The following LRRC63 variants were observed in gnomAD, a reference collection of about 807,000 sequenced individuals.
LRRC63 encodes leucine rich repeat containing 63, also known as leucine-rich repeat-containing protein 63.
In LRRC63, 40 loss-of-function variants were observed where a neutral mutation model predicts 49.5. The observed-to-expected ratio is 0.81, with a 90% CI of 0.63 to 1.05. LRRC63 has a LOEUF of 1.05. Ranked by LOEUF, LRRC63 falls within the 50% of genes least tolerant of loss-of-function variation. The probability of loss-of-function intolerance (pLI) is 0.00; values close to 1 mark genes in which losing one functional copy is unlikely to be tolerated. For synonymous variants in LRRC63, 191 were observed against 221.1 expected, an observed-to-expected ratio of 0.86 and a Z score of 1.21; for missense variants, 636 against 663.1, an observed-to-expected ratio of 0.96 and a Z score of 0.45.
intron 8 of LRRC63, among the ~76,000 whole-genome samples, chr13:46,263,676 C>A (rs1311219307): frequency 6.6e-6 from 1 of 152,200 alleles, no homozygotes; most frequent in Non-Finnish European, 1.5e-5. Flanking sequence ...TTCCCCTTAT[C>A]CAACTCTAGG....
chr13:46,249,506 C>CAT (rs1292798530), intron 6 of LRRC63, among the ~76,000 whole-genome samples: 1 of 151,486 alleles, frequency 6.6e-6, no homozygotes, highest in Non-Finnish European at 1.5e-5. Context: ...AACTGTATAC[C>CAT]AATCAATTAA....
At chr13:46,213,222 C>T (rs1442190390) in intron 2 of LRRC63, 103 bp downstream of exon 2, 1 of 687,146 alleles carries the variant, frequency 1.5e-6, no homozygotes, top group Non-Finnish European at 2.3e-6. Context: ...TCACTAATAA[C>T]TTACAAATGT....
At chr13:46,233,396 A>G (rs2046819050) in intron 4 of LRRC63, among the ~76,000 whole-genome samples, 1 of 152,186 alleles carries the variant, frequency 6.6e-6, no homozygotes, top group South Asian at 2.1e-4. Context: ...ATGGGCACAG[A>G]GGTTCTATTT....
chr13:46,264,437 T>G lies in LRRC63; in HGVS notation c.1311-2296T>G, dbSNP rs190486842. On this transcript the variant is annotated intron_variant, in intron 8 of 9. Transcript: ENST00000595396. ...CTCATGGTTTTTATTTATTTATTTA[T>G]TTAGTTAGTTAGTTAGTTTTGAATT... Among the ~76,000 whole-genome samples, 491 of 151,516 alleles carry G rather than the reference T, an allele frequency of 3.2e-3. 1 individual carries two copies. Among genetic ancestry groups the G allele is most frequent in the East Asian group, 0.017 (87 of 5,178 alleles).
At chr13:46,267,757 G>A (rs1263323326) in intron 9 of LRRC63, among the ~76,000 whole-genome samples, 3 of 152,162 alleles carry the variant, frequency 2.0e-5, no homozygotes, top group Non-Finnish European at 1.5e-5. Flanking sequence ...GAATGCACAT[G>A]AGAAAGCAAG....
intron 5 of LRRC63, among the ~76,000 whole-genome samples, chr13:46,243,850 A>G (rs1042755623): frequency 6.6e-6 from 1 of 152,220 alleles, no homozygotes; most frequent in African/African-American, 2.4e-5. Context: ...TCTAGCAACT[A>G]TTTAAACTTA....
intron 7 of LRRC63, among the ~76,000 whole-genome samples, chr13:46,260,465 C>T (rs1291316911): frequency 6.6e-6 from 1 of 152,120 alleles, no homozygotes; most frequent in African/African-American, 2.4e-5. Flanking sequence ...TCAGCACTTA[C>T]GATGTACTAG....
rs1594089964 is a variant in LRRC63 at position 46,258,806 on chromosome 13, T to C, written c.1227-3103T>C. On this transcript the variant is annotated intron_variant, in intron 7 of 9. Transcript: ENST00000595396. ...CCTGGTGACAGAGCAAGACTCTGTC[T>C]CAAAAAAAAAAAAAAAAAAAATCTT... is the stretch of plus-strand genomic sequence containing the variant. Among the ~76,000 whole-genome samples the C allele has an allele frequency of 1.1e-4, 7 of 63,786 alleles. 1 individual carries two copies. In the South Asian group the frequency reaches 3.4e-3, roughly 31 times the overall value. 41.8% of individuals were successfully genotyped at this position (63,786 alleles called of 152,430 possible).
At chr13:46,259,746 A>G (rs1566509246) in intron 7 of LRRC63, among the ~76,000 whole-genome samples, 1 of 152,158 alleles carries the variant, frequency 6.6e-6, no homozygotes, top group Non-Finnish European at 1.5e-5. Flanking sequence ...TATAGCTTCC[A>G]TTTTTTTAAC....
At chr13:46,218,854 C>T (rs1427632660) in intron 2 of LRRC63, among the ~76,000 whole-genome samples, 1 of 152,126 alleles carries the variant, frequency 6.6e-6, no homozygotes, top group African/African-American at 2.4e-5. Context: ...TTCTCCTTTG[C>T]TTATGAAGCT....
exon 9 of LRRC63, chr13:46,266,772 T>G (rs1464872625): frequency 4.5e-6 from 7 of 1,549,744 alleles, no homozygotes; most frequent in Non-Finnish European, 6.1e-6. Flanking sequence ...ATGAACTGAG[T>G]TTTTTCCCCC....
At chr13:46,227,600 T>G (rs2046613117) in exon 3 of LRRC63, 2 of 1,549,952 alleles carry the variant, frequency 1.3e-6, no homozygotes, top group African/African-American at 2.7e-5. Flanking sequence ...GTTTTCCTGA[T>G]GTTTTAAGAA....
chr13:46,242,281 A>G (rs556742269), intron 5 of LRRC63, among the ~76,000 whole-genome samples: 1 of 152,282 alleles, frequency 6.6e-6, no homozygotes, highest in South Asian at 2.1e-4. Flanking sequence ...ACACGGACAC[A>G]TAGAGGGGAA....
At chr13:46,276,595 C>T in exon 10 of LRRC63, 2 of 1,228,064 alleles carry the variant, frequency 1.6e-6, no homozygotes, top group African/African-American at 1.6e-5. Context: ...TTCAGCACAT[C>T]CAGGTGTGAA....
At chr13:46,259,083 A>C (rs73482626) in intron 7 of LRRC63, among the ~76,000 whole-genome samples, 8,105 of 152,240 alleles carry the variant, frequency 0.053, 242 homozygotes, top group Admixed American at 0.076. Flanking sequence ...GTGAGGCAGC[A>C]TGGAGGCAGG....
At chr13:46,228,956 C>G (rs191897142) in intron 4 of LRRC63, among the ~76,000 whole-genome samples, 156 of 152,110 alleles carry the variant, frequency 1.0e-3, no homozygotes, top group Non-Finnish European at 2.0e-3. Flanking sequence ...AGCTGATGCA[C>G]TCGTAATCTG....
intron 2 of LRRC63, among the ~76,000 whole-genome samples, chr13:46,214,364 TCATTTCTA>T (rs2046184337): frequency 6.6e-6 from 1 of 152,222 alleles, no homozygotes; most frequent in African/African-American, 2.4e-5. Flanking sequence ...TTTTACATCA[TCATTTCTA>T]CATTTCTATA....
intron 9 of LRRC63, among the ~76,000 whole-genome samples, chr13:46,273,794 C>T (rs1364476997): frequency 6.6e-6 from 1 of 151,512 alleles, no homozygotes; most frequent in Non-Finnish European, 1.5e-5. Flanking sequence ...TGCCTGTAAT[C>T]CTAGCTACTT....
intron 8 of LRRC63, among the ~76,000 whole-genome samples, chr13:46,262,628 T>C (rs1288452265): frequency 6.6e-6 from 1 of 152,054 alleles, no homozygotes; most frequent in Non-Finnish European, 1.5e-5. Flanking sequence ...TTTTGATCAA[T>C]TTTTCTACTC....
Sources: allele counts gnomAD v4.1 joint callset (sites outside exome capture counted in the v4.1 genomes callset), GRCh38; gene constraint gnomAD v4.1.1; transcripts MANE v1.5; gene names NCBI Gene and HGNC (gene_info 2026-07-23, HGNC 2026-07-21).